PRMT5: variants seen among roughly 807,000 people sequenced by gnomAD.
PRMT5 encodes the protein protein arginine N-methyltransferase 5.
In PRMT5, 15 loss-of-function variants were observed where a neutral mutation model predicts 84.0. The ratio of observed to expected loss-of-function variants is 0.18; its 90% CI spans 0.12 to 0.28. The LOEUF is 0.28. PRMT5 is among the 10% of genes least tolerant of loss of function. The probability of loss-of-function intolerance (pLI) is 1.00; values close to 1 mark genes in which losing one functional copy is unlikely to be tolerated. For missense variants in PRMT5, 486 were observed against 808.0 expected (o/e 0.60, Z 4.83); for synonymous variants, 276 against 292.4 (o/e 0.94, Z 0.57).
chr14:22,926,898 C>A, intron 4 of PRMT5, 84 bp from the exon 5 acceptor site: 1 of 925,282 alleles, frequency 1.1e-6, no homozygotes, highest in Non-Finnish European at 1.8e-6. Flanking sequence ...AAAACTTCAT[C>A]CAGACCTCGT....
In PRMT5 at chr14:22,928,190, C is replaced by G. The variant is rs779549081; in HGVS notation, c.251G>C (p.Gly84Ala). 1.2e-6 allele frequency: 2 copies of G among 1,614,160 alleles called. No homozygotes were observed. Among genetic ancestry groups the G allele is most frequent in the South Asian group, 2.2e-5 (2 of 91,084 alleles). Residue 84 changes from glycine to alanine, a missense_variant, in exon 3 of 17, where the codon GGA (glycine) becomes GCA (alanine). Gly to Ala is a moderately conservative substitution (Grantham distance 60, BLOSUM62 0). Transcript: ENST00000324366. The surrounding 1 kb of genome is among the most constrained non-coding windows in gnomAD (Gnocchi z 4.8). ...TGGACGAATCCATGGAGAAAGCTTT[C>G]CCACAATTAGCGTATTCCAGTCTGC... is the stretch of plus-strand genomic sequence containing the variant. ...SGRDWNTLIV[G>A]KLSPWIRPDS...
intron 14 of PRMT5, 23 bp from the exon 15 acceptor site, chr14:22,922,582 G>A (rs1486343862): frequency 4.4e-6 from 7 of 1,584,826 alleles, no homozygotes; most frequent in South Asian, 1.1e-5. Flanking sequence ...AATTATGTGG[G>A]TGACAAGGGG....
At position 22,923,451 on chromosome 14, in the gene PRMT5, C is replaced by A; in HGVS notation, c.1376-291G>T. 4.2e-6 allele frequency: 1 copy of A among 240,962 alleles called. No individual in the cohort carries two copies. The highest frequency in any genetic ancestry group is 5.4e-5 in the Admixed American group (1 of 18,444). The allele number at this position is 240,962 out of a possible 1,614,324, so 14.9% of individuals were successfully genotyped here. ...TAACTTTTGTGGGGTCACAAAGTCC[C>A]ACAAAAGTTCCTGATGAAAGCTAAG... On this transcript the variant is annotated intron_variant, in intron 12 of 16. Transcript: ENST00000324366. The surrounding 1 kb of genome is among the most constrained non-coding windows in gnomAD (Gnocchi z 5.2).
chr14:22,929,344 G>T lies in PRMT5; in HGVS notation c.18C>A (p.Val6=), dbSNP rs144489847. The T allele has an allele frequency of 6.2e-7, 1 of 1,608,852 alleles. No individual in the cohort carries two copies. The highest frequency in any genetic ancestry group is 8.5e-7 in the Non-Finnish European group (1 of 1,178,640). Residue 6 remains valine, a synonymous_variant, in exon 1 of 17, where the codon GTC becomes GTA. Coordinates refer to ENST00000324366, the MANE Select transcript of PRMT5 (RefSeq NM_006109.5). The part of the protein sequence containing the change: MAAMA[V]GGAGGSRVSS... ...ACACGCGGCTCCCACCAGCACCCCC[G>T]ACCGCCATCGCCGCCATCTTTCTCC... is the stretch of plus-strand genomic sequence containing the variant.
chr14:22,927,649 C>T lies in PRMT5; in HGVS notation c.327G>A (p.Gln109=). The T allele has an allele frequency of 6.2e-7, 1 of 1,613,584 alleles. No individual in the cohort carries two copies. Among genetic ancestry groups the T allele is most frequent in the Non-Finnish European group, 8.5e-7 (1 of 1,179,938 alleles). ...IRRNSEAAML[Q]ELNFGAYLGL... is the part of the protein sequence containing the mutation. ...CCAAATATGCACCAAAATTCAGCTCCTGTAACATGGCCTGGAACGGAGATG... is the reference window on the plus strand; with the variant it reads ...CCAAATATGCACCAAAATTCAGCTCTTGTAACATGGCCTGGAACGGAGATG... The change falls in exon 4 of 17, where the codon CAG becomes CAA. Residue 109 remains glutamine, a synonymous_variant. Coordinates refer to ENST00000324366, the MANE Select transcript of PRMT5 (RefSeq NM_006109.5).
chr14:22,922,294 C>T, intron 15 of PRMT5, 54 bp from the exon 16 acceptor site: 1 of 1,509,850 alleles, frequency 6.6e-7, no homozygotes, highest in South Asian at 1.1e-5. Flanking sequence ...TGACTTTTGC[C>T]TATGCTGAAG....
chr14:22,922,603 T>C, intron 14 of PRMT5, 44 bp from the exon 15 acceptor site: 1 of 1,552,000 alleles, frequency 6.4e-7, no homozygotes. Context: ...CCAGAAGCTC[T>C]AGACAACTTG....
chr14:22,921,214 G>A, intron 16 of PRMT5, 158 bp from the exon 17 acceptor site: 1 of 892,502 alleles, frequency 1.1e-6, no homozygotes, highest in Non-Finnish European at 1.7e-6. Flanking sequence ...AATCAAAGGT[G>A]TGGTGAGAGC....
rs773675973 is a variant in PRMT5, at chr14:22,924,761, G to A, written c.940-52C>T. On this transcript the variant is annotated intron_variant, in intron 8 of 16. Coordinates refer to ENST00000324366, the MANE Select transcript of PRMT5 (RefSeq NM_006109.5). This position sits in a 1 kb window ranked among gnomAD's most constrained non-coding sequence, Gnocchi z 6.5. ...TAGCCAGTTTCTGGCAAAGGACAATGCACTAAAATATCAAAAACTTTCCAC... is the reference window on the plus strand; with the variant it reads ...TAGCCAGTTTCTGGCAAAGGACAATACACTAAAATATCAAAAACTTTCCAC... 21 of 1,594,298 alleles carry A rather than the reference G, an allele frequency of 1.3e-5. No homozygotes were observed. The highest frequency in any genetic ancestry group is 1.8e-5 in the Non-Finnish European group (21 of 1,166,582).
chr14:22,922,965 C>A, intron 13 of PRMT5, 86 bp downstream of exon 13: 1 of 1,408,406 alleles, frequency 7.1e-7, no homozygotes. Context: ...CTCTTCATCC[C>A]CAGCAGAAGA....
chr14:22,921,377 G>T (rs550442540), intron 16 of PRMT5, among the ~76,000 whole-genome samples: 67 of 152,270 alleles, frequency 4.4e-4, no homozygotes, highest in African/African-American at 1.6e-3. Context: ...AACTCTACAG[G>T]CAAGAGAAAG....
chr14:22,924,419 A>C lies in PRMT5; in HGVS notation c.1077-27T>G, dbSNP rs774325265. ...TAAGAAAGAAAGGGAAGAGTCAAGC[A>C]GACTTGGCATATACAGATATAGGTA... is the stretch of plus-strand genomic sequence containing the variant. On this transcript the variant is annotated intron_variant, in intron 10 of 16. Transcript: ENST00000324366. This position sits in a 1 kb window ranked among gnomAD's most constrained non-coding sequence, Gnocchi z 6.5. 4 of 1,614,104 alleles carry C rather than the reference A, an allele frequency of 2.5e-6. No individual in the cohort carries two copies. The highest frequency in any genetic ancestry group is 3.4e-6 in the Non-Finnish European group (4 of 1,179,990).
Position 22,928,954 on chromosome 14 carries a change from T to G in PRMT5, c.110+298A>C. On this transcript the variant is annotated intron_variant, in intron 1 of 16. Coordinates refer to ENST00000324366, the MANE Select transcript of PRMT5 (RefSeq NM_006109.5). The surrounding 1 kb of genome is among the most constrained non-coding windows in gnomAD (Gnocchi z 4.8). Reference sequence around the variant, plus strand: ...TGCCTCCCCCGTCAAAATTAGCCTCTTCTCTCCCTTGCCCCCTAACACCTC... The same window carrying G: ...TGCCTCCCCCGTCAAAATTAGCCTCGTCTCTCCCTTGCCCCCTAACACCTC... The G allele has an allele frequency of 1.6e-6, 1 of 635,544 alleles. No individual in the cohort carries two copies. The highest frequency in any genetic ancestry group is 2.7e-6 in the Non-Finnish European group (1 of 369,944). The allele number at this position is 635,544 out of a possible 1,614,324, so 39.4% of individuals were successfully genotyped here.
chr14:22,928,162 G>A lies in PRMT5; in HGVS notation c.279C>T (p.Asp93=). The change falls in exon 3 of 17, where the codon GAC becomes GAT. Residue 93 remains aspartate, a synonymous_variant. Transcript: ENST00000324366. The surrounding 1 kb of genome is among the most constrained non-coding windows in gnomAD (Gnocchi z 4.8). ...VGKLSPWIRP[D]SKVEKIRRNS... is the part of the protein sequence containing the mutation. ...TCCTGCGAATCTTCTCCACTTTTGA[G>A]TCTGGACGAATCCATGGAGAAAGCT... is the stretch of plus-strand genomic sequence containing the variant. 3 of 1,614,150 alleles carry A rather than the reference G, an allele frequency of 1.9e-6. No homozygotes were observed. Among genetic ancestry groups the A allele is most frequent in the Non-Finnish European group, 2.5e-6 (3 of 1,180,032 alleles).
chr14:22,926,210 T>C lies in PRMT5; in HGVS notation c.700A>G (p.Ser234Gly). 1 of 1,613,456 alleles carries C rather than the reference T, an allele frequency of 6.2e-7. No individual in the cohort carries two copies. Among genetic ancestry groups the C allele is most frequent in the South Asian group, 1.1e-5 (1 of 91,064 alleles). ...CCCTTCTTATTGGTCAGGAAAATGCTAGTGGGGAGAATGGCTGCTTTGATG... is the reference window on the plus strand; with the variant it reads ...CCCTTCTTATTGGTCAGGAAAATGCCAGTGGGGAGAATGGCTGCTTTGATG... ...EPIKAAILPTSIFLTNKKGFP... is the reference protein window; with the variant it reads ...EPIKAAILPTGIFLTNKKGFP... The change falls in exon 7 of 17, where the codon AGC becomes GGC. Residue 234 changes from serine to glycine, a missense_variant. Coordinates refer to ENST00000324366, the MANE Select transcript of PRMT5 (RefSeq NM_006109.5).
chr14:22,928,960 C>A lies in PRMT5; in HGVS notation c.110+292G>T. On this transcript the variant is annotated intron_variant, in intron 1 of 16. Coordinates refer to ENST00000324366, the MANE Select transcript of PRMT5 (RefSeq NM_006109.5). The surrounding 1 kb of genome is among the most constrained non-coding windows in gnomAD (Gnocchi z 4.8). ...CCCCGTCAAAATTAGCCTCTTCTCT[C>A]CCTTGCCCCCTAACACCTCCTCCCA... 1 of 648,966 alleles carries A rather than the reference C, an allele frequency of 1.5e-6. No homozygotes were observed. Among genetic ancestry groups the A allele is most frequent in the Non-Finnish European group, 2.6e-6 (1 of 380,354 alleles). The allele number at this position is 648,966 out of a possible 1,614,324, so 40.2% of individuals were successfully genotyped here.
intron 5 of PRMT5, 37 bp downstream of exon 5, chr14:22,926,665 C>A (rs369564614): frequency 6.2e-7 from 1 of 1,603,668 alleles, no homozygotes; most frequent in Non-Finnish European, 8.5e-7. Flanking sequence ...CTCACCCTAT[C>A]CCTTGCACCC....
chr14:22,920,755 C>T lies in PRMT5; in HGVS notation c.*149G>A, dbSNP rs749808110. The T allele has an allele frequency of 1.0e-5, 12 of 1,168,898 alleles. No homozygotes were observed. The South Asian group carries it at 1.5e-4, about 15-fold the overall frequency. The allele number at this position is 1,168,898 out of a possible 1,614,324, so 72.4% of individuals were successfully genotyped here. A position where few individuals can be genotyped will look rare whatever the true frequency, so the allele number is the denominator to read the frequency against. On this transcript the variant is annotated 3_prime_UTR_variant, in exon 17 of 17. Transcript: ENST00000324366. ...CCCTGCAATTAATTATAATCCCTTGCCCACCTTGATGTAAGGCAGGAAAGC... is the reference window on the plus strand; with the variant it reads ...CCCTGCAATTAATTATAATCCCTTGTCCACCTTGATGTAAGGCAGGAAAGC...
Position 22,928,924 on chromosome 14 carries a change from G to T in PRMT5, c.111-309C>A. 1.6e-6 allele frequency: 1 copy of T among 608,182 alleles called. No homozygotes were observed. The highest frequency in any genetic ancestry group is 2.9e-6 in the Non-Finnish European group (1 of 346,470). 37.7% of individuals were successfully genotyped at this position (608,182 alleles called of 1,614,324 possible). ...TCACATCCAGATTTGCCCCAGTTCT[G>T]CCCATGCCTCCCCCGTCAAAATTAG... On this transcript the variant is annotated intron_variant, in intron 1 of 16. Coordinates refer to ENST00000324366, the MANE Select transcript of PRMT5 (RefSeq NM_006109.5). This position sits in a 1 kb window ranked among gnomAD's most constrained non-coding sequence, Gnocchi z 4.8.
Sources: allele counts gnomAD v4.1 joint callset (sites outside exome capture counted in the v4.1 genomes callset), GRCh38; gene constraint gnomAD v4.1.1; non-coding constraint Gnocchi (gnomAD v3.1); transcripts MANE v1.5; gene names NCBI Gene and HGNC (gene_info 2026-07-23, HGNC 2026-07-21).